CFAP54: variants seen among roughly 807,000 people sequenced by gnomAD.
CFAP54 encodes the protein cilia- and flagella-associated protein 54.
In CFAP54, 290 loss-of-function variants were observed where a neutral mutation model predicts 370.4. That is an observed-to-expected ratio of 0.78 (90% confidence interval 0.71 to 0.86). CFAP54 has a LOEUF of 0.86. Among genes scored for constraint, CFAP54 ranks in the 40% least tolerant of loss-of-function variants. The pLI is 0.00. For missense variants in CFAP54, 3,399 were observed against 3,528.7 expected, an observed-to-expected ratio of 0.96 and a Z score of 0.93; for synonymous variants, 1,206 against 1,236.5, an observed-to-expected ratio of 0.98 and a Z score of 0.52.
chr12:96,871,966 C>T (rs1392097994), intron 67 of CFAP54, among the ~76,000 whole-genome samples: 6 of 151,832 alleles, frequency 4.0e-5, no homozygotes, highest in Non-Finnish European at 8.8e-5. Flanking sequence ...GAAAGAGCCC[C>T]AGATAGGAAG....
chr12:96,773,083 G>A (rs766898240), intron 60 of CFAP54, among the ~76,000 whole-genome samples: 14 of 152,136 alleles, frequency 9.2e-5, no homozygotes, highest in Non-Finnish European at 2.1e-4. Flanking sequence ...CATTGTAGAG[G>A]TCAGAATCCA....
intron 28 of CFAP54, among the ~76,000 whole-genome samples, chr12:96,625,273 C>G (rs943136702): frequency 6.6e-6 from 1 of 152,096 alleles, no homozygotes; most frequent in African/African-American, 2.4e-5. Flanking sequence ...AAATAACTTT[C>G]CAAGGTTTCA....
chr12:96,512,932 A>T (rs2136359585), intron 4 of CFAP54, 54 bp from the exon 5 acceptor site: 1 of 1,215,034 alleles, frequency 8.2e-7, no homozygotes, highest in African/African-American at 1.5e-5. Flanking sequence ...ATTGGAATAT[A>T]AAATTTCTAT....
chr12:96,534,000 G>GT lies in CFAP54; in HGVS notation c.1539+37dup, dbSNP rs5800251. On this transcript the variant is annotated intron_variant, in intron 10 of 67. Transcript: ENST00000524981. ...TAATATATGCAAAATTATCCTCCTGGTTTTTTTTTTGTTAAAATGACATCC... is the reference window on the plus strand; with the variant it reads ...TAATATATGCAAAATTATCCTCCTGGTTTTTTTTTTTGTTAAAATGACATCC... 4,692 of 1,374,186 alleles carry GT rather than the reference G, an allele frequency of 3.4e-3. 1 individual carries two copies. Among genetic ancestry groups the GT allele is most frequent in the Admixed American group, 9.4e-3 (343 of 36,640 alleles). 85.1% of individuals were successfully genotyped at this position (1,374,186 alleles called of 1,614,324 possible).
chr12:96,871,690 AT>A (rs1960172707), intron 67 of CFAP54, among the ~76,000 whole-genome samples: 2 of 152,176 alleles, frequency 1.3e-5, no homozygotes, highest in African/African-American at 4.8e-5. Context: ...GATGGGGGAT[AT>A]CAGGATACAT....
At chr12:96,568,738 A>AATTT (rs1592855313) in intron 19 of CFAP54, among the ~76,000 whole-genome samples, 2 of 152,134 alleles carry the variant, frequency 1.3e-5, no homozygotes, top group African/African-American at 4.8e-5. Context: ...ACTCTTAAAT[A>AATTT]ATTCATATCC....
At position 96,743,472 on chromosome 12, in the gene CFAP54, G is replaced by A. The variant is rs781305941; in HGVS notation, c.7290G>A (p.Thr2430=). 10 of 1,613,984 alleles carry A rather than the reference G, an allele frequency of 6.2e-6. No individual in the cohort carries two copies. Among genetic ancestry groups the A allele is most frequent in the Middle Eastern group, 3.3e-4 (2 of 6,062 alleles). Residue 2430 remains threonine, a synonymous_variant, in exon 53 of 68, where the codon ACG becomes ACA. Coordinates refer to ENST00000524981, the MANE Select transcript of CFAP54 (RefSeq NM_001306084.2). ...TGGAGGCAAAAAGCGCAGGGGACAC[G>A]GAACTGCAGGCTGAATTCTTGACGC... ...VCMEAKSAGD[T]ELQAEFLTQA...
chr12:96,570,398 C>G (rs1399610851), intron 19 of CFAP54, among the ~76,000 whole-genome samples: 1 of 151,578 alleles, frequency 6.6e-6, no homozygotes, highest in African/African-American at 2.4e-5. Context: ...TCCCAGGCTT[C>G]AAACTGCTAA....
chr12:96,682,950 A>G (rs920721943), intron 40 of CFAP54, among the ~76,000 whole-genome samples: 1 of 152,110 alleles, frequency 6.6e-6, no homozygotes, highest in African/African-American at 2.4e-5. Flanking sequence ...TTCTGGTCCC[A>G]TCTAATTCCA....
In CFAP54 at chr12:96,521,885, T is replaced by C. The variant is rs1266759763; in HGVS notation, c.971T>C (p.Ile324Thr). 3 of 1,531,288 alleles carry C rather than the reference T, an allele frequency of 2.0e-6. No individual in the cohort carries two copies. Among genetic ancestry groups the C allele is most frequent in the Non-Finnish European group, 2.6e-6 (3 of 1,142,974 alleles). The allele number at this position is 1,531,288 out of a possible 1,614,324, so 94.9% of individuals were successfully genotyped here. A position where few individuals can be genotyped will look rare whatever the true frequency, so the allele number is the denominator to read the frequency against. Residue 324 changes from isoleucine (I) to threonine (T), a missense_variant, in exon 7 of 68, where the codon ATT (isoleucine) becomes ACT (threonine). Coordinates refer to ENST00000524981, the MANE Select transcript of CFAP54 (RefSeq NM_001306084.2). ...EAFARRALAK[I>T]DELRQLELMS... ...TTTGCTCGGCGTGCTTTGGCTAAAA[T>C]TGATGAGTTAAGGCAACTGGAATTA...
At chr12:96,568,450 G>A (rs1955883293) in intron 19 of CFAP54, among the ~76,000 whole-genome samples, 1 of 152,042 alleles carries the variant, frequency 6.6e-6, no homozygotes, top group Non-Finnish European at 1.5e-5. Context: ...AGCCATGTCT[G>A]CTCCTCAGTG....
chr12:96,503,776 A>G (rs1437236455), intron 2 of CFAP54, 110 bp from the exon 3 acceptor site: 11 of 950,400 alleles, frequency 1.2e-5, no homozygotes, highest in African/African-American at 3.4e-5. Context: ...TAGTAATGGT[A>G]TAATTGTAAT....
intron 67 of CFAP54, among the ~76,000 whole-genome samples, chr12:96,874,460 A>G (rs1960242012): frequency 6.6e-6 from 1 of 152,126 alleles, no homozygotes; most frequent in Admixed American, 6.5e-5. Context: ...GAACAAGGAA[A>G]CAGAAGAATA....
intron 26 of CFAP54, among the ~76,000 whole-genome samples, chr12:96,615,646 G>T (rs992586737): frequency 1.3e-5 from 2 of 152,104 alleles, no homozygotes; most frequent in African/African-American, 4.8e-5. Context: ...AATCTACAAA[G>T]AACTCAAACA....
At position 96,765,215 on chromosome 12, in the gene CFAP54, C is replaced by G; in HGVS notation, c.8278C>G (p.Leu2760Val). The change falls in exon 60 of 68, where the codon CTT becomes GTT. Residue 2760 changes from leucine to valine, a missense_variant. Leu to Val is a conservative substitution (Grantham distance 32, BLOSUM62 1). This residue lies in a region of CFAP54 where 2,796 missense variants were observed against 2,869.7 expected (regional missense o/e 0.97). Coordinates refer to ENST00000524981, the MANE Select transcript of CFAP54 (RefSeq NM_001306084.2). ...DLLSSYTDYLLDNYQVLFQTS... is the reference protein window; with the variant it reads ...DLLSSYTDYLVDNYQVLFQTS... ...TTTGTCTTCGTATACAGATTATTTG[C>G]TTGGTATGTTTGGATGTCTACATAT... The G allele has an allele frequency of 6.6e-7, 1 of 1,504,918 alleles. No homozygotes were observed. Among genetic ancestry groups the G allele is most frequent in the Non-Finnish European group, 9.0e-7 (1 of 1,108,734 alleles). The allele number at this position is 1,504,918 out of a possible 1,614,324, so 93.2% of individuals were successfully genotyped here. A position where few individuals can be genotyped will look rare whatever the true frequency, so the allele number is the denominator to read the frequency against.
At chr12:96,731,539 T>C (rs1013281058) in intron 50 of CFAP54, among the ~76,000 whole-genome samples, 8 of 152,208 alleles carry the variant, frequency 5.3e-5, no homozygotes, top group African/African-American at 1.9e-4. Context: ...TAAGAACTGA[T>C]AGTATTTGTT....
intron 22 of CFAP54, among the ~76,000 whole-genome samples, chr12:96,585,583 A>T (rs568939143): frequency 6.6e-6 from 1 of 151,898 alleles, no homozygotes; most frequent in Non-Finnish European, 1.5e-5. Flanking sequence ...TGGCCTCCCA[A>T]GGTGCTGGGA....
intron 48 of CFAP54, among the ~76,000 whole-genome samples, chr12:96,715,200 A>G (rs932037683): frequency 6.6e-6 from 1 of 152,198 alleles, no homozygotes; most frequent in Non-Finnish European, 1.5e-5. Context: ...CAGATGGACT[A>G]GGGAAATGGA....
At chr12:96,712,057 C>T (rs1957621998) in intron 48 of CFAP54, among the ~76,000 whole-genome samples, 1 of 152,066 alleles carries the variant, frequency 6.6e-6, no homozygotes, top group South Asian at 2.1e-4. Flanking sequence ...GTTCTGATCA[C>T]CCTTTCCTAC....
Sources: allele counts gnomAD v4.1 joint callset (sites outside exome capture counted in the v4.1 genomes callset), GRCh38; gene constraint gnomAD v4.1.1; regional missense constraint gnomAD v4.1.1; transcripts MANE v1.5; gene names NCBI Gene and HGNC (gene_info 2026-07-23, HGNC 2026-07-21).